Variants in MCUB observed in about 807,000 individuals in gnomAD.
The protein encoded by MCUB is mitochondrial calcium uniporter dominant negative subunit beta, also known as calcium uniporter regulatory subunit MCUb, mitochondrial.
A neutral mutation model predicts 41.4 loss-of-function variants in MCUB; 46 were observed. The ratio of observed to expected loss-of-function variants is 1.11; its 90% CI spans 0.88 to 1.42. The LOEUF is 1.42. MCUB is among the 40% of genes most tolerant of loss of function. The pLI is 0.00. For synonymous variants in MCUB, 148 were observed against 148.2 expected (o/e 1.00, Z 0.01); for missense variants, 403 against 404.9 (o/e 1.00, Z 0.04).
chr4:109,684,772 A>T, intron 6 of MCUB, 126 bp downstream of exon 6: 1 of 591,874 alleles, frequency 1.7e-6, no homozygotes, highest in South Asian at 2.2e-5. Context: ...GAGCTGGTAA[A>T]TTTTTTATTG....
intron 1 of MCUB, among the ~76,000 whole-genome samples, chr4:109,577,521 A>G (rs941503685): frequency 1.3e-5 from 2 of 151,540 alleles, no homozygotes; most frequent in African/African-American, 4.9e-5. Context: ...CCAGCCTGTC[A>G]CCTGACTTAA....
chr4:109,565,962 G>A (rs185349313), intron 1 of MCUB, among the ~76,000 whole-genome samples: 49 of 150,570 alleles, frequency 3.3e-4, no homozygotes, highest in East Asian at 1.8e-3. Flanking sequence ...CTCACCCTCC[G>A]AAAGTAGCTG....
intron 1 of MCUB, among the ~76,000 whole-genome samples, chr4:109,608,215 T>A (rs1277430388): frequency 6.6e-6 from 1 of 152,194 alleles, no homozygotes; most frequent in Non-Finnish European, 1.5e-5. Context: ...ATTCTTCAAC[T>A]CCAGAATTTC....
intron 1 of MCUB, among the ~76,000 whole-genome samples, chr4:109,597,338 C>G (rs558289667): frequency 0.023 from 3,262 of 141,594 alleles, 22 homozygotes; most frequent in South Asian, 0.071. Flanking sequence ...ACCTCCCAGA[C>G]GGGGCGGCTG....
chr4:109,638,410 CTAAAAA>C (rs1728640871), intron 1 of MCUB, among the ~76,000 whole-genome samples: 1 of 97,108 alleles, frequency 1.0e-5, no homozygotes, highest in African/African-American at 4.4e-5. Flanking sequence ...AGCATTATAT[CTAAAAA>C]AAAAAAAAAA....
intron 1 of MCUB, among the ~76,000 whole-genome samples, chr4:109,568,828 A>C (rs1448973295): frequency 1.3e-5 from 2 of 151,162 alleles, no homozygotes; most frequent in East Asian, 3.8e-4. Context: ...GGTACATAAC[A>C]AATGAATGAA....
chr4:109,684,649 G>C lies in MCUB; in HGVS notation c.816+3G>C. Reference sequence around the variant, plus strand: ...CATACTTTATAGTCACTCGACAGGTGAGTAGTTTGTTAGGAAAATGGTAAG... The same window carrying C: ...CATACTTTATAGTCACTCGACAGGTCAGTAGTTTGTTAGGAAAATGGTAAG... On this transcript the variant is annotated splice_donor_region_variant and intron_variant, in intron 6 of 7. Coordinates refer to ENST00000394650, the MANE Select transcript of MCUB (RefSeq NM_017918.5). 7.3e-7 allele frequency: 1 copy of C among 1,364,782 alleles called. No homozygotes were observed. Among genetic ancestry groups the C allele is most frequent in the Non-Finnish European group, 1.0e-6 (1 of 961,110 alleles). The allele number at this position is 1,364,782 out of a possible 1,614,324, so 84.5% of individuals were successfully genotyped here. A position where few individuals can be genotyped will look rare whatever the true frequency, so the allele number is the denominator to read the frequency against.
intron 1 of MCUB, among the ~76,000 whole-genome samples, chr4:109,642,628 T>C (rs1014742489): frequency 1.3e-4 from 9 of 71,352 alleles, no homozygotes; most frequent in African/African-American, 1.9e-4. Context: ...AAAAGTTGTT[T>C]CCTTTTTGAA....
chr4:109,673,751 A>G, intron 4 of MCUB: 1 of 539,584 alleles, frequency 1.9e-6, no homozygotes. Flanking sequence ...CACATAAATG[A>G]GAAATAAGCT....
chr4:109,687,233 C>A, intron 7 of MCUB, among the ~76,000 whole-genome samples: 1 of 151,874 alleles, frequency 6.6e-6, no homozygotes, highest in East Asian at 1.9e-4. Flanking sequence ...GTGGTGGGCA[C>A]CTGTGGTCCT....
chr4:109,651,252 T>A (rs1446224066), intron 1 of MCUB, among the ~76,000 whole-genome samples: 1 of 152,210 alleles, frequency 6.6e-6, no homozygotes, highest in African/African-American at 2.4e-5. Context: ...TGTTCCAGAT[T>A]TTACCACAGG....
At position 109,623,585 on chromosome 4, in the gene MCUB, A is replaced by G. The variant is rs1728299720; in HGVS notation, c.100-35426A>G. On this transcript the variant is annotated intron_variant, in intron 1 of 7. Coordinates refer to ENST00000394650, the MANE Select transcript of MCUB (RefSeq NM_017918.5). ...AATAAAATAGGGTTGCTCTGGAAGCAACCTGTCAAGAACTTAAGGCATTCA... is the reference window on the plus strand; with the variant it reads ...AATAAAATAGGGTTGCTCTGGAAGCGACCTGTCAAGAACTTAAGGCATTCA... Among the ~76,000 whole-genome samples, 4 of 152,226 alleles carry G rather than the reference A, an allele frequency of 2.6e-5. No individual in the cohort carries two copies. The South Asian group carries it at 8.3e-4, about 32-fold the overall frequency.
chr4:109,583,629 C>G (rs565173131), intron 1 of MCUB, among the ~76,000 whole-genome samples: 50 of 152,268 alleles, frequency 3.3e-4, no homozygotes, highest in African/African-American at 1.2e-3. Flanking sequence ...GAGGGCATCC[C>G]TGTCTTGTGC....
chr4:109,589,132 G>C (rs1727375637), intron 1 of MCUB, among the ~76,000 whole-genome samples: 1 of 152,264 alleles, frequency 6.6e-6, no homozygotes, highest in East Asian at 1.9e-4. Flanking sequence ...GAGAGCTACT[G>C]GTGTCTTTAC....
intron 1 of MCUB, among the ~76,000 whole-genome samples, chr4:109,594,720 C>T (rs966256519): frequency 1.1e-4 from 17 of 150,688 alleles, no homozygotes; most frequent in Non-Finnish European, 1.6e-4. Context: ...CTCAAGAAGA[C>T]AGAGTAGCTC....
intron 1 of MCUB, among the ~76,000 whole-genome samples, chr4:109,603,869 A>G (rs1727807599): frequency 6.6e-6 from 1 of 152,014 alleles, no homozygotes; most frequent in African/African-American, 2.4e-5. Flanking sequence ...CCCGGCCGCC[A>G]CCCCGTCTGG....
chr4:109,684,341 C>T (rs992383016), intron 5 of MCUB, 102 bp from the exon 6 acceptor site: 8 of 852,340 alleles, frequency 9.4e-6, no homozygotes, highest in East Asian at 2.7e-5. Context: ...AGATTACAGG[C>T]GTGAGCCACC....
intron 2 of MCUB, among the ~76,000 whole-genome samples, chr4:109,659,801 C>T (rs1466853546): frequency 2.0e-5 from 3 of 152,080 alleles, no homozygotes; most frequent in East Asian, 1.9e-4. Flanking sequence ...CAACTACAGG[C>T]GCACACCACC....
intron 1 of MCUB, among the ~76,000 whole-genome samples, chr4:109,601,345 A>G (rs987438966): frequency 2.6e-4 from 39 of 151,918 alleles, no homozygotes; most frequent in African/African-American, 8.2e-4. Flanking sequence ...TATTCTTTCT[A>G]ACTTTTTGGG....
Sources: gnomAD v4.1 joint callset for allele counts (sites outside exome capture counted in the v4.1 genomes callset) on GRCh38, gnomAD v4.1.1 for gene constraint, MANE v1.5 for transcripts, NCBI Gene and HGNC (gene_info 2026-07-23, HGNC 2026-07-21) for gene names.